LARP4: variants seen among roughly 807,000 people sequenced by gnomAD.
LARP4 encodes the protein La ribonucleoprotein 4.
Under a neutral mutation model 92.9 loss-of-function variants are expected in LARP4, and 29 were observed. That is an observed-to-expected ratio of 0.31 (90% confidence interval 0.23 to 0.43). The LOEUF is 0.43. Among genes scored for constraint, LARP4 ranks in the 20% least tolerant of loss-of-function variants. The probability of loss-of-function intolerance (pLI) is 1.00; values close to 1 mark genes in which losing one functional copy is unlikely to be tolerated. For missense variants in LARP4, 732 were observed against 860.0 expected (o/e 0.85, Z 1.86); for synonymous variants, 279 against 284.1 (o/e 0.98, Z 0.18).
chr12:50,426,079 A>T (rs762753441), intron 1 of LARP4, among the ~76,000 whole-genome samples: 6 of 152,012 alleles, frequency 3.9e-5, no homozygotes, highest in Non-Finnish European at 5.9e-5. Context: ...TGTCTTCCTG[A>T]CCAAGGAGGA....
chr12:50,400,909 G>A lies in LARP4; in HGVS notation c.-102G>A. 1 of 1,527,130 alleles carries A rather than the reference G, an allele frequency of 6.5e-7. No homozygotes were observed. The highest frequency in any genetic ancestry group is 1.1e-5 in the South Asian group (1 of 89,334). 94.6% of individuals were successfully genotyped at this position (1,527,130 alleles called of 1,614,324 possible). On this transcript the variant is annotated 5_prime_UTR_variant, in exon 1 of 16. Coordinates refer to ENST00000398473, the MANE Select transcript of LARP4 (RefSeq NM_052879.5). ...GAGCCGGGTCCACTGCCGGGTGGAG[G>A]GGCAAGGCGAGTGTGTGTCCTTATC...
rs1299902445 is a variant in LARP4, at chr12:50,446,331, C to T, written c.804+4688C>T. 7.9e-4 allele frequency among the ~76,000 whole-genome samples: 15 copies of T among 18,972 alleles called. 2 individuals carry two copies. Among genetic ancestry groups the T allele is most frequent in the Non-Finnish European group, 2.8e-3 (9 of 3,222 alleles). The allele number at this position is 18,972 out of a possible 152,430, so 12.4% of individuals were successfully genotyped here. Reference sequence around the variant, plus strand: ...AATTGCTGTTTTCTTGACTAGTGGTCTCTCTCTCTCCCTCTCTCTCTCTCT... The same window carrying T: ...AATTGCTGTTTTCTTGACTAGTGGTTTCTCTCTCTCCCTCTCTCTCTCTCT... On this transcript the variant is annotated intron_variant, in intron 8 of 15. Coordinates refer to ENST00000398473, the MANE Select transcript of LARP4 (RefSeq NM_052879.5).
chr12:50,405,140 C>T (rs1388572564), intron 1 of LARP4, among the ~76,000 whole-genome samples: 1 of 151,616 alleles, frequency 6.6e-6, no homozygotes, highest in African/African-American at 2.4e-5. Context: ...CTCAAGTGAT[C>T]CGCCCGCCTT....
At chr12:50,469,256 C>T (rs768187217) in intron 13 of LARP4, among the ~76,000 whole-genome samples, 2 of 152,038 alleles carry the variant, frequency 1.3e-5, no homozygotes, top group Admixed American at 6.6e-5. Context: ...TTCTAAGATA[C>T]ACTTTTTTCC....
chr12:50,459,100 G>C (rs1200280503), intron 10 of LARP4, among the ~76,000 whole-genome samples: 1 of 152,178 alleles, frequency 6.6e-6, no homozygotes, highest in Non-Finnish European at 1.5e-5. Context: ...CTGGGTTCAA[G>C]AGATTCTCCT....
At chr12:50,420,482 GA>G (rs1414565573) in intron 1 of LARP4, among the ~76,000 whole-genome samples, 1 of 152,180 alleles carries the variant, frequency 6.6e-6, no homozygotes, top group Non-Finnish European at 1.5e-5. Flanking sequence ...CGATTTCAGG[GA>G]GTTCAGCAGA....
chr12:50,466,288 A>T (rs1195386780), intron 12 of LARP4, among the ~76,000 whole-genome samples: 1 of 152,012 alleles, frequency 6.6e-6, no homozygotes, highest in Non-Finnish European at 1.5e-5. Flanking sequence ...TAGAGGAGGG[A>T]TATTGTTTTC....
intron 1 of LARP4, among the ~76,000 whole-genome samples, chr12:50,409,142 A>G (rs1320228611): frequency 1.3e-5 from 2 of 152,304 alleles, no homozygotes; most frequent in East Asian, 3.9e-4. Context: ...ATACATTTAT[A>G]TACAAGGTTA....
chr12:50,461,219 A>C lies in LARP4; in HGVS notation c.1206A>C (p.Arg402Ser). 1 of 1,614,118 alleles carries C rather than the reference A, an allele frequency of 6.2e-7. No homozygotes were observed. Among genetic ancestry groups the C allele is most frequent in the South Asian group, 1.1e-5 (1 of 91,076 alleles). Reference sequence around the variant, plus strand: ...CCTTGGGGGATGGACAGTTGAACAGATATAGTTCAAGAAACTTTCCAGCTG... The same window carrying C: ...CCTTGGGGGATGGACAGTTGAACAGCTATAGTTCAAGAAACTTTCCAGCTG... ...SVSLGDGQLN[R>S]YSSRNFPAER... The change falls in exon 11 of 16, where the codon AGA becomes AGC. Residue 402 changes from arginine (R) to serine (S), a missense_variant. By Grantham distance (110) the Arg-to-Ser change is moderately radical. This residue lies in a region of LARP4 where 264 missense variants were observed against 269.5 expected (regional missense o/e 0.98). Coordinates refer to ENST00000398473, the MANE Select transcript of LARP4 (RefSeq NM_052879.5).
At chr12:50,436,051 CTGTGTGTG>C (rs57676021) in intron 5 of LARP4, among the ~76,000 whole-genome samples, 10,838 of 137,592 alleles carry the variant, frequency 0.079, 657 homozygotes, top group African/African-American at 0.17. Context: ...TTTACTGACT[CTGTGTGTG>C]TGTGTGTGTG....
At position 50,427,725 on chromosome 12, in the gene LARP4, T is replaced by C. The variant is rs144424816; in HGVS notation, c.19-37T>C. 1.7e-4 allele frequency: 232 copies of C among 1,393,904 alleles called. 1 individual carries two copies. In the East Asian group the frequency reaches 5.6e-3, roughly 34 times the overall value. The allele number at this position is 1,393,904 out of a possible 1,614,324, so 86.3% of individuals were successfully genotyped here. On this transcript the variant is annotated intron_variant, in intron 1 of 15. Transcript: ENST00000398473. The stretch of plus-strand genomic sequence containing the variant: ...TGAATCTGTAATTTTCATGCTCTGA[T>C]TTTAAAAATTTACAAATAGATCCTT...
intron 4 of LARP4, among the ~76,000 whole-genome samples, chr12:50,434,938 C>T (rs1278821875): frequency 2.0e-5 from 3 of 152,044 alleles, no homozygotes; most frequent in Non-Finnish European, 4.4e-5. Flanking sequence ...GTCCCAGCTA[C>T]TCGGGAGGCT....
In LARP4 at chr12:50,429,040, G is replaced by A; in HGVS notation, c.272G>A (p.Gly91Glu). 1 of 1,611,652 alleles carries A rather than the reference G, an allele frequency of 6.2e-7. No individual in the cohort carries two copies. Among genetic ancestry groups the A allele is most frequent in the African/African-American group, 1.3e-5 (1 of 74,960 alleles). ...NTTGIEESTD[G>E]MILGPEDLSY... ...ACAGGCATTGAAGAATCAACTGATG[G>A]GATGATTTTAGGACCAGAAGATCTG... The change falls in exon 3 of 16, where the codon GGG becomes GAG. Residue 91 changes from glycine to glutamate, a missense_variant. By Grantham distance (98) the Gly-to-Glu change is moderately conservative. Transcript: ENST00000398473.
At chr12:50,450,176 C>T (rs1028657766) in intron 8 of LARP4, among the ~76,000 whole-genome samples, 4 of 151,930 alleles carry the variant, frequency 2.6e-5, no homozygotes, top group Non-Finnish European at 5.9e-5. Context: ...GTGATCCGCC[C>T]GCCTCAGCCT....
At chr12:50,461,536 A>G in intron 11 of LARP4, 189 bp downstream of exon 11, 1 of 595,474 alleles carries the variant, frequency 1.7e-6, no homozygotes, top group Non-Finnish European at 2.8e-6. Flanking sequence ...GTGCCCATAC[A>G]GAATATAGCT....
At chr12:50,460,259 A>G (rs1031460367) in intron 10 of LARP4, among the ~76,000 whole-genome samples, 4 of 152,200 alleles carry the variant, frequency 2.6e-5, no homozygotes, top group African/African-American at 7.2e-5. Flanking sequence ...TCTGAGTATT[A>G]AGGTAGAAGT....
At chr12:50,444,944 T>TTA (rs1229161886) in intron 8 of LARP4, among the ~76,000 whole-genome samples, 3 of 152,122 alleles carry the variant, frequency 2.0e-5, no homozygotes, top group African/African-American at 7.2e-5. Flanking sequence ...GTGTCTTGCT[T>TTA]TATCACCCAG....
At chr12:50,414,900 TG>T (rs1162868847) in intron 1 of LARP4, among the ~76,000 whole-genome samples, 1 of 152,188 alleles carries the variant, frequency 6.6e-6, no homozygotes, top group Admixed American at 6.6e-5. Context: ...TGTGCATCAG[TG>T]GCTTTTAAAA....
chr12:50,422,807 A>C (rs1214145311), intron 1 of LARP4, among the ~76,000 whole-genome samples: 1 of 143,008 alleles, frequency 7.0e-6, no homozygotes, highest in Non-Finnish European at 1.5e-5. Flanking sequence ...TATTATTATT[A>C]TTATTATTAT....
Sources: allele counts gnomAD v4.1 joint callset (sites outside exome capture counted in the v4.1 genomes callset), GRCh38; gene constraint gnomAD v4.1.1; regional missense constraint gnomAD v4.1.1; transcripts MANE v1.5; gene names NCBI Gene and HGNC (gene_info 2026-07-23, HGNC 2026-07-21).